Variants in CARS1 observed in about 807,000 individuals in gnomAD.
CARS1 encodes cysteine--tRNA ligase, cytoplasmic.
Under a neutral mutation model 106.2 loss-of-function variants are expected in CARS1, and 48 were observed. The observed-to-expected ratio is 0.45, with a 90% CI of 0.36 to 0.57. The LOEUF is 0.57. Ranked by LOEUF, CARS1 falls within the 20% of genes least tolerant of loss-of-function variation. The pLI is 0.00. For missense variants in CARS1, 968 were observed against 1,057.2 expected, an observed-to-expected ratio of 0.92 and a Z score of 1.17; for synonymous variants, 409 against 403.4, an observed-to-expected ratio of 1.01 and a Z score of -0.17.
chr11:3,007,004 G>T, intron 18 of CARS1, 45 bp from the exon 19 acceptor site: 1 of 1,502,126 alleles, frequency 6.7e-7, no homozygotes, highest in Non-Finnish European at 9.3e-7. Flanking sequence ...GAGGAGCCAG[G>T]GCCCACACAA....
chr11:3,047,094 G>A (rs1855165713), intron 2 of CARS1, among the ~76,000 whole-genome samples: 2 of 152,018 alleles, frequency 1.3e-5, no homozygotes, highest in Non-Finnish European at 2.9e-5. Context: ...TGGCTAACAC[G>A]GTGAAACCCC....
chr11:3,012,241 T>C lies in CARS1; in HGVS notation c.2022A>G (p.Leu674=), dbSNP rs765468414. 4 of 1,614,258 alleles carry C rather than the reference T, an allele frequency of 2.5e-6. No homozygotes were observed. The Admixed American group carries it at 6.7e-5, about 27-fold the overall frequency. ...TCCGCACTCCTTCTCGGAATTCTGA[T>C]AACACCTGAAGGTAGGGCATGACTG... ...EATVMPYLQV[L]SEFREGVRKI... The change falls in exon 18 of 23, where the codon TTA becomes TTG. Residue 674 remains leucine, a synonymous_variant. Coordinates refer to ENST00000380525, the MANE Select transcript of CARS1 (RefSeq NM_001014437.3).
intron 10 of CARS1, among the ~76,000 whole-genome samples, chr11:3,023,824 TTCC>T (rs1315670430): frequency 6.6e-6 from 1 of 152,214 alleles, no homozygotes; most frequent in African/African-American, 2.4e-5. Context: ...TTTACTTTAT[TTCC>T]TCCTATTTCT....
At chr11:3,005,585 T>C (rs1849780578) in intron 19 of CARS1, 152 bp from the exon 20 acceptor site, 2 of 593,216 alleles carry the variant, frequency 3.4e-6, no homozygotes, top group South Asian at 4.6e-5. Context: ...AAAACCTCCA[T>C]AGCAGCAGTG....
chr11:3,055,535 G>A (rs1187286718), intron 1 of CARS1, among the ~76,000 whole-genome samples: 1 of 152,260 alleles, frequency 6.6e-6, no homozygotes, highest in East Asian at 1.9e-4. Context: ...CCCTGGGGCA[G>A]AAGAACACTG....
Position 3,029,022 on chromosome 11 carries a change from G to T in CARS1, c.1005C>A (p.Val335=). ...SEYVPEIVNF[V]QKIVDNGYGY... ...CGTAACCGTTGTCCACAATCTTCTG[G>T]ACAAAGTTCACAATTTCTGGCACAT... is the stretch of plus-strand genomic sequence containing the variant. Residue 335 remains valine, a synonymous_variant, in exon 9 of 23, where the codon GTC becomes GTA. Transcript: ENST00000380525. The surrounding 1 kb of genome is among the most constrained non-coding windows in gnomAD (Gnocchi z 5.9). 1 of 1,613,874 alleles carries T rather than the reference G, an allele frequency of 6.2e-7. No homozygotes were observed. The highest frequency in any genetic ancestry group is 8.5e-7 in the Non-Finnish European group (1 of 1,179,818).
At position 3,001,992 on chromosome 11, in the gene CARS1, T is replaced by C. The variant is rs773467197; in HGVS notation, c.2339A>G (p.Lys780Arg). The change falls in exon 22 of 23, where the codon AAA becomes AGA. Residue 780 changes from lysine (K) to arginine (R), a missense_variant. Physicochemically the swap from Lys to Arg is conservative, Grantham distance 26 (BLOSUM62 2). Transcript: ENST00000380525. ...PSEMFLSETD[K>R]YSKFDENGLP... ...TACATTTTCATCAAACTTGGAGTAT[T>C]TGTCGGTTTCTGACAAGAACATCTC... is the stretch of plus-strand genomic sequence containing the variant. 3.1e-6 allele frequency: 5 copies of C among 1,613,582 alleles called. 1 individual carries two copies. The Admixed American group carries it at 8.3e-5, about 27-fold the overall frequency.
chr11:3,019,281 A>G lies in CARS1; in HGVS notation c.1267-14T>C. ...GCCCGGACGACCCTGGAGAAAGCCG[A>G]ACACACAGTGACTGACCAGCCTACC... On this transcript the variant is annotated splice_polypyrimidine_tract_variant and intron_variant, in intron 11 of 22. Coordinates refer to ENST00000380525, the MANE Select transcript of CARS1 (RefSeq NM_001014437.3). This position sits in a 1 kb window ranked among gnomAD's most constrained non-coding sequence, Gnocchi z 6.2. 7.1e-7 allele frequency: 1 copy of G among 1,405,548 alleles called. No individual in the cohort carries two copies. Among genetic ancestry groups the G allele is most frequent in the Non-Finnish European group, 9.3e-7 (1 of 1,071,468 alleles). 87.1% of individuals were successfully genotyped at this position (1,405,548 alleles called of 1,614,324 possible). A position where few individuals can be genotyped will look rare whatever the true frequency, so the allele number is the denominator to read the frequency against.
Position 3,030,048 on chromosome 11 carries a change from CG to C in CARS1, c.802-606del. 6.6e-6 allele frequency: 1 copy of C among 152,594 alleles called. No individual in the cohort carries two copies. The highest frequency in any genetic ancestry group is 1.5e-5 in the Non-Finnish European group (1 of 68,330). 9.5% of individuals were successfully genotyped at this position (152,594 alleles called of 1,614,324 possible). A position where few individuals can be genotyped will look rare whatever the true frequency, so the allele number is the denominator to read the frequency against. On this transcript the variant is annotated intron_variant, in intron 7 of 22. Transcript: ENST00000380525. This position sits in a 1 kb window ranked among gnomAD's most constrained non-coding sequence, Gnocchi z 5.7. The stretch of plus-strand genomic sequence containing the variant: ...CCACACACACTCTAGGCATGAGACA[CG>C]CCCCAACTGCACTCATGTCAGAAAA...
intron 7 of CARS1, among the ~76,000 whole-genome samples, chr11:3,036,046 G>A (rs1025778064): frequency 2.0e-5 from 3 of 152,254 alleles, no homozygotes; most frequent in Non-Finnish European, 2.9e-5. Context: ...GTGCCAGGCA[G>A]AGGGTGCCTA....
intron 21 of CARS1, 196 bp from the exon 22 acceptor site, chr11:3,002,249 T>A: frequency 1.5e-6 from 1 of 652,330 alleles, no homozygotes; most frequent in East Asian, 2.5e-5. Context: ...AGATGTTATT[T>A]CTACAGGAAT....
chr11:3,017,012 G>A lies in CARS1; in HGVS notation c.1917+94C>T, dbSNP rs1590364709. 9.5e-7 allele frequency: 1 copy of A among 1,048,186 alleles called. No homozygotes were observed. The highest frequency in any genetic ancestry group is 2.5e-5 in the East Asian group (1 of 39,802). 64.9% of individuals were successfully genotyped at this position (1,048,186 alleles called of 1,614,324 possible). On this transcript the variant is annotated intron_variant, in intron 16 of 22. Transcript: ENST00000380525. This position sits in a 1 kb window ranked among gnomAD's most constrained non-coding sequence, Gnocchi z 4.9. ...GGTGCTGGGCACCAGGCACAGCACT[G>A]GGGGGCACCAGAGGCCTCTGTTCTC...
chr11:3,011,887 A>G (rs1850497654), intron 18 of CARS1, among the ~76,000 whole-genome samples: 1 of 152,228 alleles, frequency 6.6e-6, no homozygotes, highest in Non-Finnish European at 1.5e-5. Context: ...GCCTCGGCTC[A>G]GAGAAGGAGA....
At position 3,017,801 on chromosome 11, in the gene CARS1, G is replaced by C. The variant is rs566805004; in HGVS notation, c.1727+56C>G. ...GGACACATGGTGGCCAAGATGCGAG[G>C]CTAGGCATAGAACATGGGCATGCTC... On this transcript the variant is annotated intron_variant, in intron 15 of 22. Coordinates refer to ENST00000380525, the MANE Select transcript of CARS1 (RefSeq NM_001014437.3). The surrounding 1 kb of genome is among the most constrained non-coding windows in gnomAD (Gnocchi z 4.9). 8.5e-7 allele frequency: 1 copy of C among 1,171,422 alleles called. No individual in the cohort carries two copies. The highest frequency in any genetic ancestry group is 1.3e-6 in the Non-Finnish European group (1 of 779,220). The allele number at this position is 1,171,422 out of a possible 1,614,324, so 72.6% of individuals were successfully genotyped here.
rs758907494 is a variant in CARS1, at chr11:3,040,866, A to C, written c.455+30T>G. On this transcript the variant is annotated intron_variant, in intron 4 of 22. Transcript: ENST00000380525. The surrounding 1 kb of genome is among the most constrained non-coding windows in gnomAD (Gnocchi z 5.8). ...TCTGACTTCTGCGTGCAACTGCAGA[A>C]GCTGCAGGGACACCCCGCGGTGGAC... 1 of 1,606,458 alleles carries C rather than the reference A, an allele frequency of 6.2e-7. No individual in the cohort carries two copies. Among genetic ancestry groups the C allele is most frequent in the Admixed American group, 1.7e-5 (1 of 59,016 alleles).
chr11:3,039,384 G>C lies in CARS1; in HGVS notation c.553-92C>G, dbSNP rs941358882. ...CACTCTCTCCCTTGGCCAACTCTAA[G>C]TGAGGGTGAGGGTGGTGGGAGACAA... On this transcript the variant is annotated intron_variant, in intron 5 of 22. Transcript: ENST00000380525. This position sits in a 1 kb window ranked among gnomAD's most constrained non-coding sequence, Gnocchi z 5.6. The C allele has an allele frequency of 2.6e-6, 2 of 756,872 alleles. No individual in the cohort carries two copies. The highest frequency in any genetic ancestry group is 4.7e-6 in the Non-Finnish European group (2 of 429,662). The allele number at this position is 756,872 out of a possible 1,614,324, so 46.9% of individuals were successfully genotyped here. A position where few individuals can be genotyped will look rare whatever the true frequency, so the allele number is the denominator to read the frequency against.
At chr11:3,016,222 CTTT>C (rs34717371) in intron 16 of CARS1, among the ~76,000 whole-genome samples, 14 of 136,762 alleles carry the variant, frequency 1.0e-4, no homozygotes, top group African/African-American at 1.1e-4. Flanking sequence ...TTTTGCTTCT[CTTT>C]TTTTTTTTTT....
At position 3,003,834 on chromosome 11, in the gene CARS1, C is replaced by A. The variant is rs1405619457; in HGVS notation, c.2218-1234G>T. Among the ~76,000 whole-genome samples the A allele has an allele frequency of 6.6e-6, 1 of 152,148 alleles. No homozygotes were observed. The highest frequency in any genetic ancestry group is 1.5e-5 in the Non-Finnish European group (1 of 68,022). On this transcript the variant is annotated intron_variant, in intron 20 of 22. Transcript: ENST00000380525. The surrounding 1 kb of genome is among the most constrained non-coding windows in gnomAD (Gnocchi z 4.8). The stretch of plus-strand genomic sequence containing the variant: ...GAGGCAGGACCCCTCCCCCATGGTG[C>A]CTCGGGCCTGGGGATGCCTTCTTGC...
At position 3,041,198 on chromosome 11, in the gene CARS1, C is replaced by A; in HGVS notation, c.367-214G>T. On this transcript the variant is annotated intron_variant, in intron 3 of 22. Coordinates refer to ENST00000380525, the MANE Select transcript of CARS1 (RefSeq NM_001014437.3). This position sits in a 1 kb window ranked among gnomAD's most constrained non-coding sequence, Gnocchi z 4.9. ...CCAACTGAGCCCTGGGTGGGTGGGG[C>A]CTCTTCCTCCCTGGGGTTCTACTCA... 5.4e-6 allele frequency: 3 copies of A among 556,358 alleles called. No homozygotes were observed. The highest frequency in any genetic ancestry group is 9.4e-6 in the Non-Finnish European group (3 of 320,708). The allele number at this position is 556,358 out of a possible 1,614,324, so 34.5% of individuals were successfully genotyped here.
Sources: allele counts gnomAD v4.1 joint callset (sites outside exome capture counted in the v4.1 genomes callset), GRCh38; gene constraint gnomAD v4.1.1; non-coding constraint Gnocchi (gnomAD v3.1); transcripts MANE v1.5; gene names NCBI Gene and HGNC (gene_info 2026-07-23, HGNC 2026-07-21).